The following RASSF8 variants were observed in gnomAD, a reference collection of about 807,000 sequenced individuals.
RASSF8 encodes the protein ras association domain-containing protein 8.
Under a neutral mutation model 48.5 loss-of-function variants are expected in RASSF8, and 22 were observed. That is an observed-to-expected ratio of 0.45 (90% CI 0.32 to 0.65). The LOEUF is 0.65. Among genes scored for constraint, RASSF8 ranks in the 30% least tolerant of loss-of-function variants. RASSF8 has a pLI of 0.03. For missense variants in RASSF8, 418 were observed against 489.2 expected (o/e 0.85, Z 1.37); for synonymous variants, 127 against 171.5 (o/e 0.74, Z 2.03).
At chr12:26,027,776 A>G (rs1942947041) in intron 2 of RASSF8, among the ~76,000 whole-genome samples, 1 of 152,230 alleles carries the variant, frequency 6.6e-6, no homozygotes, top group Admixed American at 6.5e-5. Context: ...CATGAGTGTT[A>G]CTTTGGTCAC....
At chr12:26,039,171 T>C (rs567211256) in intron 2 of RASSF8, among the ~76,000 whole-genome samples, 2 of 152,324 alleles carry the variant, frequency 1.3e-5, no homozygotes, top group East Asian at 3.9e-4. Context: ...AGAAGGTGAA[T>C]TCTTAAGGTA....
At chr12:26,057,108 G>GTGTGTGTGTA (rs71069207) in intron 3 of RASSF8, among the ~76,000 whole-genome samples, 57,216 of 151,298 alleles carry the variant, frequency 0.38, 12,209 homozygotes, top group Non-Finnish European at 0.49. Context: ...TTTTGTGTGT[G>GTGTGTGTGTA]TGTGTGTGTG....
intron 3 of RASSF8, among the ~76,000 whole-genome samples, chr12:26,057,351 C>T (rs991295097): frequency 2.0e-5 from 3 of 152,100 alleles, no homozygotes; most frequent in Non-Finnish European, 2.9e-5. Context: ...TTGTTCAGTT[C>T]CCACCTATGA....
chr12:25,996,164 A>G (rs941339679), intron 2 of RASSF8, among the ~76,000 whole-genome samples: 1 of 152,212 alleles, frequency 6.6e-6, no homozygotes, highest in African/African-American at 2.4e-5. Flanking sequence ...GAGTCAAAAG[A>G]TAGCCTGATT....
intron 2 of RASSF8, among the ~76,000 whole-genome samples, chr12:26,047,633 A>G (rs1232699831): frequency 3.3e-5 from 5 of 152,122 alleles, no homozygotes; most frequent in African/African-American, 1.2e-4. Flanking sequence ...GCTGCCAGCT[A>G]TGAAAGGCGA....
At chr12:25,990,233 G>A (rs1449833809) in intron 1 of RASSF8, among the ~76,000 whole-genome samples, 1 of 152,184 alleles carries the variant, frequency 6.6e-6, no homozygotes, top group Non-Finnish European at 1.5e-5. Flanking sequence ...CTTATTTCAT[G>A]AAGGCTTCCT....
chr12:26,029,047 G>C (rs752281584), intron 2 of RASSF8, among the ~76,000 whole-genome samples: 7 of 152,184 alleles, frequency 4.6e-5, no homozygotes, highest in Non-Finnish European at 1.0e-4. Flanking sequence ...TATGATAACA[G>C]TAAGAATTCT....
chr12:26,029,591 G>C (rs1184804285), intron 2 of RASSF8, among the ~76,000 whole-genome samples: 2 of 152,042 alleles, frequency 1.3e-5, no homozygotes, highest in Non-Finnish European at 2.9e-5. Flanking sequence ...TTAATCATCA[G>C]CTGTGCTCTG....
chr12:25,974,081 T>G (rs556095264), intron 1 of RASSF8, among the ~76,000 whole-genome samples: 2 of 152,062 alleles, frequency 1.3e-5, no homozygotes, highest in Non-Finnish European at 2.9e-5. Context: ...AAGGTCTCAG[T>G]GAGCTCGGTG....
chr12:25,963,738 T>C (rs1296486893), intron 1 of RASSF8, among the ~76,000 whole-genome samples: 8 of 152,188 alleles, frequency 5.3e-5, no homozygotes, highest in Non-Finnish European at 1.2e-4. Context: ...GCCTGGGTGC[T>C]CTTGGGTTGG....
At chr12:26,003,521 T>G (rs1942312443) in intron 2 of RASSF8, among the ~76,000 whole-genome samples, 1 of 152,226 alleles carries the variant, frequency 6.6e-6, no homozygotes, top group South Asian at 2.1e-4. Context: ...TATCTGCTTA[T>G]CTATAGATTT....
At chr12:26,009,218 T>G (rs1258466344) in intron 2 of RASSF8, among the ~76,000 whole-genome samples, 1 of 152,216 alleles carries the variant, frequency 6.6e-6, no homozygotes, top group Non-Finnish European at 1.5e-5. Context: ...TTGAATAAAT[T>G]TTAATTCCAC....
intron 2 of RASSF8, among the ~76,000 whole-genome samples, chr12:26,047,330 CCA>C (rs1178075255): frequency 6.6e-6 from 1 of 152,114 alleles, no homozygotes; most frequent in Non-Finnish European, 1.5e-5. Context: ...CAAGAACAGA[CCA>C]CACACAGTTT....
At chr12:25,961,350 A>G (rs992030501) in intron 1 of RASSF8, among the ~76,000 whole-genome samples, 7 of 152,362 alleles carry the variant, frequency 4.6e-5, no homozygotes, top group Admixed American at 4.6e-4. Flanking sequence ...TTGCAAGTAA[A>G]AGTGGAGTGG....
intron 2 of RASSF8, among the ~76,000 whole-genome samples, chr12:26,023,728 ATG>A (rs1054161158): frequency 4.7e-4 from 71 of 152,298 alleles, no homozygotes; most frequent in African/African-American, 1.6e-3. Context: ...GATAGTATAG[ATG>A]TGTGTTTGTT....
chr12:26,053,881 T>C (rs1449410339), intron 2 of RASSF8, among the ~76,000 whole-genome samples: 1 of 152,196 alleles, frequency 6.6e-6, no homozygotes, highest in East Asian at 1.9e-4. Context: ...ATAATTAGGT[T>C]TATTCTCCTT....
At chr12:26,026,071 T>G (rs1286463342) in intron 2 of RASSF8, among the ~76,000 whole-genome samples, 1 of 152,116 alleles carries the variant, frequency 6.6e-6, no homozygotes, top group Non-Finnish European at 1.5e-5. Context: ...GATCCTGAAT[T>G]AAATAGTAGT....
At chr12:26,039,678 C>G (rs900724302) in intron 2 of RASSF8, among the ~76,000 whole-genome samples, 25 of 152,118 alleles carry the variant, frequency 1.6e-4, no homozygotes, top group Admixed American at 1.6e-3. Context: ...ATTCCCATGT[C>G]GTCTTCCATT....
chr12:25,993,708 C>A (rs1194990063), intron 1 of RASSF8, among the ~76,000 whole-genome samples: 1 of 152,050 alleles, frequency 6.6e-6, no homozygotes, highest in Non-Finnish European at 1.5e-5. Context: ...GTGTATATTT[C>A]TTTTATCTTC....
Sources: gnomAD v4.1 joint callset for allele counts (sites outside exome capture counted in the v4.1 genomes callset) on GRCh38, gnomAD v4.1.1 for gene constraint, MANE v1.5 for transcripts, NCBI Gene and HGNC (gene_info 2026-07-23, HGNC 2026-07-21) for gene names.